ERICH6: variants seen among roughly 807,000 people sequenced by gnomAD.
The protein encoded by ERICH6 is glutamate-rich protein 6.
Under a neutral mutation model 71.0 loss-of-function variants are expected in ERICH6, and 71 were observed. The ratio of observed to expected loss-of-function variants is 1.00; its 90% confidence interval spans 0.83 to 1.22. ERICH6 has a LOEUF of 1.22. ERICH6 is among the 50% of genes most tolerant of loss of function. ERICH6 has a pLI of 0.00. For missense variants in ERICH6, 808 were observed against 797.2 expected (o/e 1.01, Z -0.16); for synonymous variants, 262 against 278.4 (o/e 0.94, Z 0.59).
At chr3:150,694,950 A>G (rs1161378873) in intron 3 of ERICH6, among the ~76,000 whole-genome samples, 1 of 152,186 alleles carries the variant, frequency 6.6e-6, no homozygotes, top group African/African-American at 2.4e-5. Context: ...TTCCTGGTTC[A>G]TAGATGGTGC....
chr3:150,680,242 A>G (rs58364387), intron 9 of ERICH6, among the ~76,000 whole-genome samples: 4,287 of 152,160 alleles, frequency 0.028, 221 homozygotes, highest in African/African-American at 0.098. Flanking sequence ...ACTTATTATT[A>G]TTTTTCATAG....
In ERICH6 at chr3:150,659,927, T is replaced by G; in HGVS notation, c.1957A>C (p.Lys653Gln). 6.2e-7 allele frequency: 1 copy of G among 1,609,864 alleles called. No homozygotes were observed. The highest frequency in any genetic ancestry group is 8.5e-7 in the Non-Finnish European group (1 of 1,176,232). The change falls in exon 14 of 14, where the codon AAG becomes CAG. Residue 653 changes from lysine to glutamine, a missense_variant. Transcript: ENST00000295910. ...TCATTTATTATATTTCTTATTGTCT[T>G]CATTATATCTTGCTTTATACCAGAA... is the stretch of plus-strand genomic sequence containing the variant. ...HSSGIKQDIM[K>Q]TIRNIINEEI
At chr3:150,670,009 T>C (rs1265494741) in intron 11 of ERICH6, among the ~76,000 whole-genome samples, 2 of 152,154 alleles carry the variant, frequency 1.3e-5, no homozygotes, top group African/African-American at 4.8e-5. Flanking sequence ...GCCTGGGCAA[T>C]ATGGTAAGAC....
intron 1 of ERICH6, 92 bp from the exon 2 acceptor site, chr3:150,702,270 C>CAT: frequency 6.1e-6 from 1 of 163,410 alleles, no homozygotes; most frequent in Non-Finnish European, 1.1e-5. Flanking sequence ...TGTCTGGAGA[C>CAT]TTTTTTTTTT....
intron 7 of ERICH6, 105 bp downstream of exon 7, chr3:150,682,113 C>A: frequency 6.0e-6 from 6 of 996,726 alleles, no homozygotes; most frequent in Non-Finnish European, 9.0e-6. Context: ...TCAAGCCCGG[C>A]CTAACTCTTT....
chr3:150,674,586 A>C (rs1162767604), intron 10 of ERICH6, among the ~76,000 whole-genome samples: 1 of 152,130 alleles, frequency 6.6e-6, no homozygotes, highest in Non-Finnish European at 1.5e-5. Flanking sequence ...ATATTTCCAC[A>C]TACATTTTAG....
chr3:150,686,451 C>A, intron 3 of ERICH6, 97 bp from the exon 4 acceptor site: 1 of 981,564 alleles, frequency 1.0e-6, no homozygotes, highest in South Asian at 1.5e-5. Flanking sequence ...ACTACCCTTA[C>A]TATGTTTCTT....
At chr3:150,694,696 G>C (rs1331319016) in intron 3 of ERICH6, among the ~76,000 whole-genome samples, 1 of 152,098 alleles carries the variant, frequency 6.6e-6, no homozygotes, top group Non-Finnish European at 1.5e-5. Flanking sequence ...CTTCTCTTCT[G>C]GGCATGTGCT....
rs1711855172 is a variant in ERICH6 at position 150,680,365 on chromosome 3, GC to G, written c.1111+102del. The G allele has an allele frequency of 1.1e-5, 13 of 1,219,636 alleles. 1 individual carries two copies. The South Asian group carries it at 1.7e-4, about 16-fold the overall frequency. 75.6% of individuals were successfully genotyped at this position (1,219,636 alleles called of 1,614,324 possible). On this transcript the variant is annotated intron_variant, in intron 9 of 13. Transcript: ENST00000295910. ...TTACAGGCGTGAGCCACTGCACCTG[GC>G]CAATACTATTTTTTAAATACACCCA...
intron 7 of ERICH6, among the ~76,000 whole-genome samples, chr3:150,681,645 A>G (rs1194303339): frequency 6.6e-6 from 1 of 152,106 alleles, no homozygotes; most frequent in East Asian, 1.9e-4. Context: ...GTGATGCACC[A>G]TTTTATATTC....
In ERICH6 at chr3:150,682,320, C is replaced by CAG; in HGVS notation, c.784-6_784-5dup. 1 of 1,609,642 alleles carries CAG rather than the reference C, an allele frequency of 6.2e-7. No individual in the cohort carries two copies. The highest frequency in any genetic ancestry group is 1.3e-5 in the African/African-American group (1 of 74,880). On this transcript the variant is annotated splice_polypyrimidine_tract_variant and splice_region_variant and intron_variant, in intron 6 of 13. Coordinates refer to ENST00000295910, the MANE Select transcript of ERICH6 (RefSeq NM_152394.5). ...GTGATGTCTCCTCCTCTTCATCCTT[C>CAG]AGAGAGAGAGGAAAAAAATTAAAGA... is the stretch of plus-strand genomic sequence containing the variant.
At chr3:150,695,920 G>A (rs1046930035) in intron 3 of ERICH6, among the ~76,000 whole-genome samples, 1 of 151,976 alleles carries the variant, frequency 6.6e-6, no homozygotes, top group South Asian at 2.1e-4. Context: ...TAGTTTTGGT[G>A]GGAGTTTTCA....
In ERICH6 at chr3:150,680,480, A is replaced by G. The variant is rs765350689; in HGVS notation, c.1099T>C (p.Phe367Leu). The change falls in exon 9 of 14, where the codon TTC becomes CTC. Residue 367 changes from phenylalanine (F) to leucine (L), a missense_variant. Coordinates refer to ENST00000295910, the MANE Select transcript of ERICH6 (RefSeq NM_152394.5). ...CTAATGAACTCACCATCTTCAGAGA[A>G]ATGAGTCTGTTCCCTTGATATTATT... ...FAIISREQTH[F>L]SEDDSKRLKT... 1.9e-6 allele frequency: 3 copies of G among 1,614,088 alleles called. No individual in the cohort carries two copies. The highest frequency in any genetic ancestry group is 2.7e-5 in the African/African-American group (2 of 74,936).
At chr3:150,682,438 G>A (rs1299551244) in intron 6 of ERICH6, 122 bp from the exon 7 acceptor site, 2 of 665,916 alleles carry the variant, frequency 3.0e-6, no homozygotes, top group Non-Finnish European at 5.2e-6. Flanking sequence ...GATGAGATGT[G>A]CCAGTAAGTG....
chr3:150,667,014 C>CCTGGG lies in ERICH6; in HGVS notation c.1500_1501insCCCAG (p.Val501ProfsTer20), dbSNP rs1727447097. On this transcript the variant is annotated frameshift_variant and splice_region_variant, in exon 13 of 14. Coordinates refer to ENST00000295910, the MANE Select transcript of ERICH6 (RefSeq NM_152394.5). LOFTEE classifies it high-confidence loss of function. ...TGACCTCCCAAGATATTGATGTATACCCTGGTCAGGAAGGAAATGTAAATA... is the reference window on the plus strand; with the variant it reads ...TGACCTCCCAAGATATTGATGTATACCTGGGCCTGGTCAGGAAGGAAATGTAAATA... The CCTGGG allele has an allele frequency of 6.2e-7, 1 of 1,611,188 alleles. No homozygotes were observed. Among genetic ancestry groups the CCTGGG allele is most frequent in the African/African-American group, 1.3e-5 (1 of 74,758 alleles).
chr3:150,686,124 C>T lies in ERICH6; in HGVS notation c.611-103G>A, dbSNP rs183162982. On this transcript the variant is annotated intron_variant, in intron 4 of 13. Transcript: ENST00000295910. Reference sequence around the variant, plus strand: ...CACACCCACCATCATCCTCCTTGCCCAGCACGCACACACTGTTCAGATGCC... The same window carrying T: ...CACACCCACCATCATCCTCCTTGCCTAGCACGCACACACTGTTCAGATGCC... 8 of 1,203,340 alleles carry T rather than the reference C, an allele frequency of 6.6e-6. No individual in the cohort carries two copies. The African/African-American group carries it at 7.5e-5, about 11-fold the overall frequency. 74.5% of individuals were successfully genotyped at this position (1,203,340 alleles called of 1,614,324 possible).
In ERICH6 at chr3:150,685,797, G is replaced by A. The variant is rs763620445; in HGVS notation, c.728C>T (p.Pro243Leu). Reference sequence around the variant, plus strand: ...TTCTTTGTATGCCAGAATGGATGGTGGTCCGATGCTGGGTAACGTTCTTAG... The same window carrying A: ...TTCTTTGTATGCCAGAATGGATGGTAGTCCGATGCTGGGTAACGTTCTTAG... ...PSLRTLPSIG[P>L]PSILAYKEES... The change falls in exon 6 of 14, where the codon CCA (proline) becomes CTA (leucine). Residue 243 changes from proline to leucine, a missense_variant. Pro to Leu is a moderately conservative substitution (Grantham distance 98, BLOSUM62 -3). Transcript: ENST00000295910. 2 of 1,614,026 alleles carry A rather than the reference G, an allele frequency of 1.2e-6. No individual in the cohort carries two copies. Among genetic ancestry groups the A allele is most frequent in the Non-Finnish European group, 1.7e-6 (2 of 1,179,996 alleles).
chr3:150,687,635 C>A (rs1712254128), intron 3 of ERICH6, among the ~76,000 whole-genome samples: 1 of 152,120 alleles, frequency 6.6e-6, no homozygotes, highest in Non-Finnish European at 1.5e-5. Flanking sequence ...AAGAAGCCAT[C>A]CACAAATCAG....
intron 13 of ERICH6, among the ~76,000 whole-genome samples, chr3:150,664,948 C>CT (rs1159410555): frequency 6.6e-6 from 1 of 150,584 alleles, no homozygotes; most frequent in Admixed American, 6.6e-5. Flanking sequence ...CAAAATGACT[C>CT]TTTTTTGATT....
Sources: allele counts gnomAD v4.1 joint callset (sites outside exome capture counted in the v4.1 genomes callset), GRCh38; gene constraint gnomAD v4.1.1; transcripts MANE v1.5; gene names NCBI Gene and HGNC (gene_info 2026-07-23, HGNC 2026-07-21).